AGBL4: variants seen among roughly 807,000 people sequenced by gnomAD.
AGBL4 encodes cytosolic carboxypeptidase 6.
AGBL4 carries 58 observed loss-of-function variants against 66.4 expected under a neutral mutation model. That is an observed-to-expected ratio of 0.87 (90% CI 0.71 to 1.09). AGBL4 has a LOEUF of 1.09. Among genes scored for constraint, AGBL4 ranks in the 50% least tolerant of loss-of-function variants. The pLI, the probability that AGBL4 is intolerant of heterozygous loss-of-function variation, is 0.00. For synonymous variants in AGBL4, 234 were observed against 222.9 expected (o/e 1.05, Z -0.44); for missense variants, 579 against 631.0 (o/e 0.92, Z 0.88).
intron 11 of AGBL4, among the ~76,000 whole-genome samples, chr1:48,554,042 C>T (rs544206014): frequency 6.6e-6 from 1 of 152,292 alleles, no homozygotes; most frequent in East Asian, 1.9e-4. Context: ...AACTGCAAAA[C>T]TCAGCTGAAG....
chr1:49,485,495 A>C (rs964242890), intron 3 of AGBL4, among the ~76,000 whole-genome samples: 18 of 150,652 alleles, frequency 1.2e-4, no homozygotes, highest in African/African-American at 4.4e-4. Flanking sequence ...ATTAGGAGAT[A>C]TACCTAATGT....
chr1:49,278,549 G>A (rs768460259), intron 3 of AGBL4, among the ~76,000 whole-genome samples: 15 of 152,258 alleles, frequency 9.9e-5, no homozygotes, highest in Non-Finnish European at 5.9e-5. Context: ...CTATCTGCCT[G>A]CAGGAGGTAA....
intron 2 of AGBL4, among the ~76,000 whole-genome samples, chr1:49,828,218 G>A (rs926761429): frequency 6.6e-6 from 1 of 152,010 alleles, no homozygotes; most frequent in East Asian, 1.9e-4. Flanking sequence ...ATTATTGAAT[G>A]CCTACTCTAT....
intron 3 of AGBL4, among the ~76,000 whole-genome samples, chr1:49,525,922 C>T (rs1570949402): frequency 6.6e-6 from 1 of 151,126 alleles, no homozygotes; most frequent in East Asian, 2.0e-4. Context: ...CCCGTCTCTA[C>T]TAAAAAAAAA....
At chr1:49,500,028 C>G (rs1570883943) in intron 3 of AGBL4, among the ~76,000 whole-genome samples, 1 of 151,992 alleles carries the variant, frequency 6.6e-6, no homozygotes, top group Non-Finnish European at 1.5e-5. Context: ...ACATCCACGT[C>G]AACATCTATT....
rs145123502 is a variant in AGBL4 at position 49,024,200 on chromosome 1, T to C, written c.594+21384A>G. 1.2e-3 allele frequency among the ~76,000 whole-genome samples: 184 copies of C among 152,328 alleles called. 3 individuals are homozygous for C. Among genetic ancestry groups the C allele is most frequent in the Admixed American group, 4.2e-3 (64 of 15,300 alleles). On this transcript the variant is annotated intron_variant, in intron 5 of 13. Transcript: ENST00000371839. Reference sequence around the variant, plus strand: ...TTTTTCATATGGTTGGCTCAAGATATATATTTAATGGATTAATATGGTTTA... The same window carrying C: ...TTTTTCATATGGTTGGCTCAAGATACATATTTAATGGATTAATATGGTTTA...
chr1:49,798,759 G>A (rs1284005429), intron 2 of AGBL4, among the ~76,000 whole-genome samples: 1 of 152,102 alleles, frequency 6.6e-6, no homozygotes, highest in African/African-American at 2.4e-5. Context: ...TAGTCAAAAA[G>A]TCTTTGCATT....
intron 2 of AGBL4, among the ~76,000 whole-genome samples, chr1:49,826,017 C>T (rs536376089): frequency 2.6e-5 from 4 of 152,018 alleles, no homozygotes; most frequent in Non-Finnish European, 5.9e-5. Flanking sequence ...ACTAGCTACA[C>T]GATTTTCCAT....
chr1:49,534,051 C>T (rs1651362913), intron 3 of AGBL4, among the ~76,000 whole-genome samples: 1 of 151,734 alleles, frequency 6.6e-6, no homozygotes, highest in Admixed American at 6.6e-5. Flanking sequence ...CTAAGTATAA[C>T]CACCAATTGA....
chr1:48,936,228 A>T (rs1033491608), intron 5 of AGBL4, among the ~76,000 whole-genome samples: 6 of 150,638 alleles, frequency 4.0e-5, no homozygotes, highest in African/African-American at 1.5e-4. Flanking sequence ...GCACCACTCC[A>T]CTCCAGCCTG....
chr1:49,630,389 G>A (rs776870498), intron 3 of AGBL4, among the ~76,000 whole-genome samples: 63 of 152,216 alleles, frequency 4.1e-4, no homozygotes, highest in Non-Finnish European at 4.9e-4. Flanking sequence ...GTCTTCTGGT[G>A]TCACTTAATG....
intron 3 of AGBL4, among the ~76,000 whole-genome samples, chr1:49,544,943 T>C (rs1652359189): frequency 6.6e-6 from 1 of 152,226 alleles, no homozygotes; most frequent in African/African-American, 2.4e-5. Context: ...ACTTGGCACA[T>C]GTTCATTACT....
At chr1:49,404,417 T>C (rs1306577845) in intron 3 of AGBL4, among the ~76,000 whole-genome samples, 2 of 152,152 alleles carry the variant, frequency 1.3e-5, no homozygotes, top group African/African-American at 4.8e-5. Context: ...TCTGGAACTG[T>C]GAGAACATAA....
intron 9 of AGBL4, among the ~76,000 whole-genome samples, chr1:48,629,263 G>A (rs990521423): frequency 4.6e-5 from 7 of 152,148 alleles, no homozygotes; most frequent in Non-Finnish European, 1.0e-4. Context: ...TTGTGGGTGA[G>A]TGACTCTGGT....
intron 1 of AGBL4, among the ~76,000 whole-genome samples, chr1:50,006,041 C>T (rs539922796): frequency 1.3e-5 from 2 of 152,162 alleles, no homozygotes; most frequent in South Asian, 4.2e-4. Context: ...AGTTATTAGC[C>T]TTAAAAAAGA....
At chr1:48,608,456 T>C (rs1310118070) in intron 9 of AGBL4, among the ~76,000 whole-genome samples, 1 of 152,112 alleles carries the variant, frequency 6.6e-6, no homozygotes, top group Non-Finnish European at 1.5e-5. Context: ...GGAGAGGAGA[T>C]TGCATGTGAG....
chr1:49,412,455 A>G (rs1445070619), intron 3 of AGBL4, among the ~76,000 whole-genome samples: 1 of 152,150 alleles, frequency 6.6e-6, no homozygotes, highest in Admixed American at 6.6e-5. Context: ...CATCACATTG[A>G]GGGTTAGATT....
At chr1:49,265,635 C>A (rs540307012) in intron 3 of AGBL4, among the ~76,000 whole-genome samples, 27 of 152,112 alleles carry the variant, frequency 1.8e-4, no homozygotes, top group African/African-American at 6.5e-4. Flanking sequence ...AAAAATCATA[C>A]CCATCTGGTA....
At chr1:48,531,646 G>A (rs1483365981), downstream of AGBL4, among the ~76,000 whole-genome samples, 2 of 152,148 alleles carry the variant, frequency 1.3e-5, no homozygotes, top group Admixed American at 6.5e-5. Flanking sequence ...ATCCAGGAGA[G>A]GTAATAAACT....
Sources: gnomAD v4.1 joint callset for allele counts (sites outside exome capture counted in the v4.1 genomes callset) on GRCh38, gnomAD v4.1.1 for gene constraint, MANE v1.5 for transcripts, NCBI Gene and HGNC (gene_info 2026-07-23, HGNC 2026-07-21) for gene names.